Variants in SPG11 observed in about 807,000 individuals in gnomAD.
SPG11 encodes the protein spatacsin.
Under a neutral mutation model 274.0 loss-of-function variants are expected in SPG11, and 222 were observed. The observed-to-expected ratio is 0.81, with a 90% CI of 0.73 to 0.91. SPG11 has a LOEUF of 0.91. SPG11 is among the 40% of genes least tolerant of loss of function. The pLI is 0.00. For synonymous variants in SPG11, 1,144 were observed against 1,039.7 expected (o/e 1.10, Z -1.93); for missense variants, 3,114 against 2,872.7 (o/e 1.08, Z -1.92).
intron 26 of SPG11, among the ~76,000 whole-genome samples, chr15:44,592,930 A>G (rs1027417956): frequency 6.6e-6 from 1 of 152,032 alleles, no homozygotes; most frequent in African/African-American, 2.4e-5. Flanking sequence ...TTGTAGCTGT[A>G]GCTATGATCA....
At chr15:44,615,279 T>A in intron 16 of SPG11, 84 bp downstream of exon 16, 1 of 1,306,540 alleles carries the variant, frequency 7.7e-7, no homozygotes, top group Non-Finnish European at 1.1e-6. Flanking sequence ...TGCTTACTAT[T>A]TTCCTAAAAG....
At chr15:44,629,516 G>T in intron 8 of SPG11, 128 bp from the exon 9 acceptor site, 1 of 1,102,100 alleles carries the variant, frequency 9.1e-7, no homozygotes, top group South Asian at 1.4e-5. Context: ...TTTTCAAAAA[G>T]CTCACAAAAC....
At chr15:44,655,070 C>T (rs2084899398) in intron 4 of SPG11, among the ~76,000 whole-genome samples, 1 of 152,138 alleles carries the variant, frequency 6.6e-6, no homozygotes, top group Non-Finnish European at 1.5e-5. Context: ...CTTAAAATGC[C>T]ATGTGGTACT....
In SPG11 at chr15:44,596,819, TAATG is replaced by T; in HGVS notation, c.4122_4125del (p.Phe1374LeufsTer14). On this transcript the variant is annotated frameshift_variant, in exon 24 of 40. Coordinates refer to ENST00000261866, the MANE Select transcript of SPG11 (RefSeq NM_025137.4). LOFTEE classifies it high-confidence loss of function. ...TGGTAGTTGTGGAGTTGGCTGTGAA[TAATG>T]AACTGCAGCCAATCATTTGCTTTGG... is the stretch of plus-strand genomic sequence containing the variant. 6.2e-7 allele frequency: 1 copy of T among 1,614,046 alleles called. No individual in the cohort carries two copies.
intron 30 of SPG11, among the ~76,000 whole-genome samples, chr15:44,581,656 G>A (rs1254173712): frequency 6.6e-6 from 1 of 150,792 alleles, no homozygotes; most frequent in Non-Finnish European, 1.5e-5. Flanking sequence ...CACTTTGGGA[G>A]GCCAAGGCGG....
In SPG11 at chr15:44,572,723, C is replaced by T. The variant is rs1595826884; in HGVS notation, c.6303G>A (p.Leu2101=). The T allele has an allele frequency of 1.2e-6, 2 of 1,614,074 alleles. No homozygotes were observed. The highest frequency in any genetic ancestry group is 1.7e-6 in the Non-Finnish European group (2 of 1,179,998). Residue 2101 remains leucine, a synonymous_variant, in exon 33 of 40, where the codon TTG becomes TTA. Transcript: ENST00000261866. ...CATGGGGAACGGAGGAAATCTTATC[C>T]AACAACTTCATGCCTACCAATGTGC... ...QDRTLVGMKL[L]DKISSVPHGE...
intron 8 of SPG11, among the ~76,000 whole-genome samples, chr15:44,632,100 C>T (rs1338914565): frequency 6.6e-6 from 1 of 152,096 alleles, no homozygotes; most frequent in African/African-American, 2.4e-5. Flanking sequence ...TGAGCCACTG[C>T]ACCTGGCCTA....
chr15:44,566,043 A>G (rs746960049), intron 37 of SPG11, 34 bp from the exon 38 acceptor site: 9 of 1,612,648 alleles, frequency 5.6e-6, no homozygotes, highest in Non-Finnish European at 6.8e-6. Context: ...ACAGTAGAGA[A>G]AGACCTAGTT....
intron 20 of SPG11, among the ~76,000 whole-genome samples, chr15:44,603,207 C>G (rs1278140497): frequency 6.6e-6 from 1 of 151,974 alleles, no homozygotes; most frequent in African/African-American, 2.4e-5. Context: ...CACAACTATG[C>G]CTGGCTAATT....
intron 28 of SPG11, among the ~76,000 whole-genome samples, chr15:44,587,114 G>T (rs1027714924): frequency 2.0e-5 from 3 of 152,168 alleles, no homozygotes; most frequent in Non-Finnish European, 4.4e-5. Context: ...AAGAGGGATC[G>T]CTTGAGGCCA....
At chr15:44,647,135 G>C (rs774233772) in intron 7 of SPG11, among the ~76,000 whole-genome samples, 4 of 152,078 alleles carry the variant, frequency 2.6e-5, no homozygotes, top group Non-Finnish European at 5.9e-5. Context: ...TTTCTCCAAA[G>C]ACGACACACA....
rs1356044770 is a variant in SPG11, at chr15:44,595,427, C to T, written c.4467G>A (p.Trp1489Ter). ...CATTGTCCTCCACAGAAGTGATGAT[C>T]CAAACACAGAGACAAGAAATGGCAC... ...GASAISCLCV[W>*]IITSVEDNVA... is the part of the protein sequence containing the mutation. The change falls in exon 26 of 40, where the codon TGG (tryptophan) becomes TGA (stop). Residue 1489 changes from tryptophan (W) to a stop codon, truncating the protein, a stop_gained. Transcript: ENST00000261866. LOFTEE classifies it high-confidence loss of function. The T allele has an allele frequency of 6.2e-7, 1 of 1,614,160 alleles. No homozygotes were observed. The highest frequency in any genetic ancestry group is 8.5e-7 in the Non-Finnish European group (1 of 1,180,034).
In SPG11 at chr15:44,657,196, A is replaced by T; in HGVS notation, c.768T>A (p.Ile256=). The part of the protein sequence containing the change: ...CNEQQQEPAK[I]SSFTSLKVSQ... ...AAACTTTCAGTGAAGTAAATGAAGA[A>T]ATCTTGGCTGGCTCCTGTTGCTGCT... Residue 256 remains isoleucine (I), a synonymous_variant, in exon 4 of 40, where the codon ATT becomes ATA. Transcript: ENST00000261866. 6.2e-7 allele frequency: 1 copy of T among 1,614,212 alleles called. No homozygotes were observed. The highest frequency in any genetic ancestry group is 2.2e-5 in the East Asian group (1 of 44,886).
chr15:44,566,403 G>T, intron 36 of SPG11, 98 bp from the exon 37 acceptor site: 1 of 1,231,944 alleles, frequency 8.1e-7, no homozygotes, highest in Non-Finnish European at 1.2e-6. Context: ...AAACATCCCA[G>T]CCATGTTCAC....
chr15:44,570,270 T>C (rs1311327320), intron 34 of SPG11, among the ~76,000 whole-genome samples: 1 of 152,200 alleles, frequency 6.6e-6, no homozygotes, highest in South Asian at 2.1e-4. Flanking sequence ...TTAACTGCCC[T>C]GACTAGGGGG....
chr15:44,583,543 T>A (rs1238478363), intron 30 of SPG11, among the ~76,000 whole-genome samples: 2 of 152,212 alleles, frequency 1.3e-5, no homozygotes, highest in Non-Finnish European at 2.9e-5. Flanking sequence ...AATGATTAAA[T>A]TTACAGATGT....
At chr15:44,587,864 T>A (rs1354118575) in intron 28 of SPG11, among the ~76,000 whole-genome samples, 1 of 152,174 alleles carries the variant, frequency 6.6e-6, no homozygotes, top group East Asian at 1.9e-4. Context: ...AAAGATAGAT[T>A]ATGGCAAACA....
intron 4 of SPG11, among the ~76,000 whole-genome samples, chr15:44,654,967 T>C (rs78978311): frequency 1.3e-5 from 2 of 152,376 alleles, no homozygotes; most frequent in African/African-American, 4.8e-5. Flanking sequence ...AATAACTGCA[T>C]ATAATTAGCT....
chr15:44,591,570 A>G, intron 27 of SPG11, among the ~76,000 whole-genome samples: 1 of 152,234 alleles, frequency 6.6e-6, no homozygotes, highest in East Asian at 1.9e-4. Flanking sequence ...AGGGAGTAAT[A>G]GGCTAAGGAA....
Sources: gnomAD v4.1 joint callset for allele counts (sites outside exome capture counted in the v4.1 genomes callset) on GRCh38, gnomAD v4.1.1 for gene constraint, MANE v1.5 for transcripts, NCBI Gene and HGNC (gene_info 2026-07-23, HGNC 2026-07-21) for gene names.